NBAS: variants seen among roughly 807,000 people sequenced by gnomAD.
NBAS encodes the protein NAG/BC035112 fusion.
In NBAS, 219 loss-of-function variants were observed where a neutral mutation model predicts 302.5. That is an observed-to-expected ratio of 0.72 (90% confidence interval 0.65 to 0.81). The LOEUF (loss-of-function observed/expected upper bound fraction) is 0.81. Ranked by LOEUF, NBAS falls within the 30% of genes least tolerant of loss-of-function variation. NBAS has a pLI of 0.00. For missense variants in NBAS, 2,932 were observed against 2,841.6 expected (o/e 1.03, Z -0.72); for synonymous variants, 1,118 against 1,021.6 (o/e 1.09, Z -1.80).
In NBAS at chr2:15,287,583, G is replaced by A. The variant is rs1352901686; in HGVS notation, c.5028-400C>T. 2.0e-5 allele frequency among the ~76,000 whole-genome samples: 3 copies of A among 152,122 alleles called. No homozygotes were observed. In the East Asian group the frequency reaches 5.8e-4, roughly 29 times the overall value. ...AGACAGTCCCACACAGGCATCCCGG[G>A]CAGCCCTGCGTGGGCATCTCCCAGT... is the stretch of plus-strand genomic sequence containing the variant. On this transcript the variant is annotated intron_variant, in intron 41 of 51. Transcript: ENST00000281513.
At chr2:14,872,367 A>G in the NBAS span, among the ~76,000 whole-genome samples, 1 of 152,138 alleles carries the variant, frequency 6.6e-6, no homozygotes, top group Non-Finnish European at 1.5e-5. Flanking sequence ...GATCTAATTG[A>G]TATTTATTAC....
the NBAS span, among the ~76,000 whole-genome samples, chr2:14,917,977 G>C: frequency 6.6e-6 from 1 of 152,114 alleles, no homozygotes; most frequent in Admixed American, 6.5e-5. Flanking sequence ...GACAAATGCA[G>C]CTCAGGCCTC....
the NBAS span, among the ~76,000 whole-genome samples, chr2:14,797,472 G>A: frequency 1.3e-5 from 2 of 152,200 alleles, no homozygotes; most frequent in Non-Finnish European, 2.9e-5. Flanking sequence ...GACTGAATGA[G>A]CTGTTAACAC....
intron 40 of NBAS, among the ~76,000 whole-genome samples, chr2:15,299,750 T>C (rs1670712171): frequency 6.6e-6 from 1 of 152,056 alleles, no homozygotes; most frequent in Non-Finnish European, 1.5e-5. Flanking sequence ...AAAGGTAAGA[T>C]ATGAGGGAAA....
the NBAS span, among the ~76,000 whole-genome samples, chr2:15,156,795 TTTCCA>T: frequency 1.3e-5 from 2 of 152,328 alleles, no homozygotes. Flanking sequence ...TATGGCTATC[TTTCCA>T]AGCACAGACC....
At chr2:15,557,376 G>T (rs1664696839) in intron 2 of NBAS, among the ~76,000 whole-genome samples, 1 of 152,036 alleles carries the variant, frequency 6.6e-6, no homozygotes, top group South Asian at 2.1e-4. Context: ...AAGAATAACA[G>T]ATTCTCTCTA....
intron 16 of NBAS, among the ~76,000 whole-genome samples, chr2:15,469,499 A>G (rs926987403): frequency 6.6e-6 from 1 of 152,170 alleles, no homozygotes; most frequent in African/African-American, 2.4e-5. Context: ...ATATACCCAA[A>G]GGATTACAAA....
intron 44 of NBAS, among the ~76,000 whole-genome samples, chr2:15,247,908 A>G (rs1156874413): frequency 2.6e-5 from 4 of 152,154 alleles, no homozygotes; most frequent in South Asian, 2.1e-4. Context: ...AAAGAAGGTT[A>G]ACAAGGATAT....
At chr2:15,469,964 T>C (rs958703367) in intron 16 of NBAS, among the ~76,000 whole-genome samples, 3 of 151,856 alleles carry the variant, frequency 2.0e-5, no homozygotes, top group African/African-American at 7.3e-5. Flanking sequence ...TGTGCACATG[T>C]ACCCTAGAAC....
At chr2:14,783,398 C>A in the NBAS span, among the ~76,000 whole-genome samples, 1 of 151,274 alleles carries the variant, frequency 6.6e-6, no homozygotes, top group African/African-American at 2.4e-5. Context: ...TATACATGTG[C>A]CATGCTGGTG....
chr2:15,155,323 C>T, the NBAS span, among the ~76,000 whole-genome samples: 1 of 152,128 alleles, frequency 6.6e-6, no homozygotes, highest in Non-Finnish European at 1.5e-5. Flanking sequence ...AGTTGCCCTA[C>T]ATCTCTGACA....
intron 21 of NBAS, among the ~76,000 whole-genome samples, chr2:15,449,868 A>T (rs1211212605): frequency 6.6e-6 from 1 of 152,202 alleles, no homozygotes. Context: ...TCAGAAATAC[A>T]AAGCCATTTT....
At chr2:14,991,722 T>C in the NBAS span, among the ~76,000 whole-genome samples, 1 of 152,270 alleles carries the variant, frequency 6.6e-6, no homozygotes, top group South Asian at 2.1e-4. Context: ...ATCACCTGGG[T>C]CTTGGTAGAA....
At chr2:15,383,802 C>A (rs1675159210) in intron 28 of NBAS, among the ~76,000 whole-genome samples, 1 of 152,184 alleles carries the variant, frequency 6.6e-6, no homozygotes, top group South Asian at 2.1e-4. Context: ...TGCCATCAGT[C>A]TGGGGGACAA....
chr2:14,881,583 A>C, the NBAS span, among the ~76,000 whole-genome samples: 1 of 152,220 alleles, frequency 6.6e-6, no homozygotes, highest in Non-Finnish European at 1.5e-5. Context: ...AGAACCATCT[A>C]AAGCAGAACA....
intron 9 of NBAS, among the ~76,000 whole-genome samples, chr2:15,515,382 T>C (rs72778670): frequency 1.3e-5 from 2 of 152,172 alleles, no homozygotes; most frequent in South Asian, 2.1e-4. Context: ...CTGGAAAACA[T>C]GTCTCTACAA....
chr2:15,217,216 T>C (rs1666691888), intron 48 of NBAS, among the ~76,000 whole-genome samples: 3 of 152,242 alleles, frequency 2.0e-5, no homozygotes, highest in Non-Finnish European at 4.4e-5. Flanking sequence ...AAGGTCACAG[T>C]GCTTCAGAGA....
intron 30 of NBAS, among the ~76,000 whole-genome samples, chr2:15,376,743 G>A (rs1403669378): frequency 6.6e-6 from 1 of 152,036 alleles, no homozygotes; most frequent in Non-Finnish European, 1.5e-5. Context: ...TAAATAAAAT[G>A]CTAATTAATA....
chr2:15,107,033 C>A, the NBAS span, among the ~76,000 whole-genome samples: 1 of 152,088 alleles, frequency 6.6e-6, no homozygotes, highest in Admixed American at 6.6e-5. Context: ...CTACCACTTG[C>A]AAGCAGGGCA....
Sources: gnomAD v4.1 joint callset for allele counts (sites outside exome capture counted in the v4.1 genomes callset) on GRCh38, gnomAD v4.1.1 for gene constraint, MANE v1.5 for transcripts, NCBI Gene and HGNC (gene_info 2026-07-23, HGNC 2026-07-21) for gene names.